RFX2: variants seen among roughly 807,000 people sequenced by gnomAD.
RFX2 encodes regulatory factor X2.
In RFX2, 20 loss-of-function variants were observed where a neutral mutation model predicts 87.8. That is an observed-to-expected ratio of 0.23 (90% CI 0.16 to 0.33). The LOEUF (loss-of-function observed/expected upper bound fraction) is 0.33. RFX2 is among the 10% of genes least tolerant of loss of function. The pLI is 1.00. For missense variants in RFX2, 767 were observed against 1,012.3 expected (o/e 0.76, Z 3.29); for synonymous variants, 397 against 431.3 (o/e 0.92, Z 0.98).
Position 6,004,523 on chromosome 19 carries a change from T to G in RFX2, c.1403-225A>C, listed in dbSNP as rs1030962929. Among the ~76,000 whole-genome samples the G allele has an allele frequency of 2.0e-5, 3 of 152,278 alleles. No homozygotes were observed. The Middle Eastern group carries it at 0.01, about 518-fold the overall frequency. On this transcript the variant is annotated intron_variant, in intron 12 of 17. Transcript: ENST00000303657. The surrounding 1 kb of genome is among the most constrained non-coding windows in gnomAD (Gnocchi z 4.8). ...GCCTATGCGGGTCTCACAGGGGCGATTCTGCCCCAGGGGACACTGGGCAAT... is the reference window on the plus strand; with the variant it reads ...GCCTATGCGGGTCTCACAGGGGCGAGTCTGCCCCAGGGGACACTGGGCAAT...
At chr19:6,086,994 CT>C (rs368962252) in intron 1 of RFX2, among the ~76,000 whole-genome samples, 12,806 of 148,000 alleles carry the variant, frequency 0.087, 1,646 homozygotes, top group African/African-American at 0.28. Context: ...AGCAGTATGT[CT>C]TTTTTTTTTT....
intron 1 of RFX2, among the ~76,000 whole-genome samples, chr19:6,095,668 G>C (rs1379902178): frequency 1.3e-5 from 2 of 152,022 alleles, no homozygotes; most frequent in East Asian, 1.9e-4. Flanking sequence ...GGAGCTCGGG[G>C]AATAAAGGGG....
chr19:6,043,928 C>T (rs1017240612), intron 3 of RFX2, among the ~76,000 whole-genome samples: 7 of 152,234 alleles, frequency 4.6e-5, no homozygotes, highest in Middle Eastern at 3.2e-3. Flanking sequence ...CCAGCAGGTG[C>T]GGGGTGCTCA....
Position 6,092,976 on chromosome 19 carries a change from G to A in RFX2, c.-9+17417C>T, listed in dbSNP as rs553687169. On this transcript the variant is annotated intron_variant, in intron 1 of 17. Coordinates refer to ENST00000303657, the MANE Select transcript of RFX2 (RefSeq NM_000635.4). Reference sequence around the variant, plus strand: ...GGTAAAAAAAAGGCCCTGTGGTGTCGGGGAGGCGAGGAGGTGGCCCCGGTC... The same window carrying A: ...GGTAAAAAAAAGGCCCTGTGGTGTCAGGGAGGCGAGGAGGTGGCCCCGGTC... Among the ~76,000 whole-genome samples, 15 of 152,264 alleles carry A rather than the reference G, an allele frequency of 9.9e-5. No homozygotes were observed. The East Asian group carries it at 2.7e-3, about 27-fold the overall frequency.
chr19:6,011,749 C>T lies in RFX2; in HGVS notation c.899+1237G>A, dbSNP rs79224856. Among the ~76,000 whole-genome samples, 672 of 152,340 alleles carry T rather than the reference C, an allele frequency of 4.4e-3. 7 individuals carry two copies. In the East Asian group the frequency reaches 0.071, roughly 16 times the overall value. ...TGTGTGGTCAGGAGTCAATGGGTTACGCAGAGCAGCTGGAATGGGTTTTTG... is the reference window on the plus strand; with the variant it reads ...TGTGTGGTCAGGAGTCAATGGGTTATGCAGAGCAGCTGGAATGGGTTTTTG... On this transcript the variant is annotated intron_variant, in intron 8 of 17. Transcript: ENST00000303657. The surrounding 1 kb of genome is among the most constrained non-coding windows in gnomAD (Gnocchi z 4.8).
At chr19:6,059,111 C>T (rs1452816981) in intron 1 of RFX2, among the ~76,000 whole-genome samples, 1 of 152,092 alleles carries the variant, frequency 6.6e-6, no homozygotes, top group African/African-American at 2.4e-5. Flanking sequence ...AACCGAGTAG[C>T]TGGAACTATA....
chr19:6,007,799 T>A lies in RFX2; in HGVS notation c.1138A>T (p.Thr380Ser). ...QLVYRRHCEA[T>S]VDVVMNLQFH... ...TGGAGGTTCATCACCACATCTACAG[T>A]TGCCTAGGAATGAAGGGACCGGTGA... Residue 380 changes from threonine to serine, a missense_variant, in exon 11 of 18, where the codon ACT becomes TCT. This residue lies in a region of RFX2 where 621 missense variants were observed against 873.0 expected (regional missense o/e 0.71). Transcript: ENST00000303657. The surrounding 1 kb of genome is among the most constrained non-coding windows in gnomAD (Gnocchi z 8.2). The A allele has an allele frequency of 6.5e-7, 1 of 1,548,676 alleles. No homozygotes were observed. Among genetic ancestry groups the A allele is most frequent in the Non-Finnish European group, 8.7e-7 (1 of 1,143,810 alleles).
At position 5,994,836 on chromosome 19, in the gene RFX2, T is replaced by C. The variant is rs1281000949; in HGVS notation, c.2171A>G (p.Ter724TrpextTer29). 6.2e-7 allele frequency: 1 copy of C among 1,603,632 alleles called. No individual in the cohort carries two copies. The highest frequency in any genetic ancestry group is 2.2e-5 in the East Asian group (1 of 44,816). The change falls in exon 18 of 18, where the codon TAG (stop) becomes TGG (tryptophan). Residue 724 changes from the stop codon to tryptophan, a stop_lost. Coordinates refer to ENST00000303657, the MANE Select transcript of RFX2 (RefSeq NM_000635.4). ...SDPNHSLQGI[*>W] ...TCGAGGAGGCGCCGGCCGGGGCTGC[T>C]AGATGCCCTGCAGGGAGTGGTTGGG...
Position 6,002,781 on chromosome 19 carries a change from G to T in RFX2, c.1590C>A (p.Asn530Lys). Residue 530 changes from asparagine to lysine, a missense_variant, in exon 14 of 18, where the codon AAC (asparagine) becomes AAA (lysine). This residue lies in a region of RFX2 where 621 missense variants were observed against 873.0 expected (regional missense o/e 0.71). Transcript: ENST00000303657. This position sits in a 1 kb window ranked among gnomAD's most constrained non-coding sequence, Gnocchi z 6.7. Reference protein sequence around the residue: ...LAQAARAVLQNTSQINQMLSD... With the variant: ...LAQAARAVLQKTSQINQMLSD... ...TGAGCATCTGGTTGATCTGGGACGT[G>T]TTCTGCAGCACCGCCCGGGCCGCCT... 1 of 1,613,984 alleles carries T rather than the reference G, an allele frequency of 6.2e-7. No individual in the cohort carries two copies. The highest frequency in any genetic ancestry group is 1.3e-5 in the African/African-American group (1 of 75,062).
chr19:6,026,360 C>A lies in RFX2; in HGVS notation c.523-123G>T. On this transcript the variant is annotated intron_variant, in intron 5 of 17. Coordinates refer to ENST00000303657, the MANE Select transcript of RFX2 (RefSeq NM_000635.4). This position sits in a 1 kb window ranked among gnomAD's most constrained non-coding sequence, Gnocchi z 4.5. Reference sequence around the variant, plus strand: ...ATCCAAATAATGATTCGAGCTCCTACAAAATAAAAATGAGGCTCCACGCAG... The same window carrying A: ...ATCCAAATAATGATTCGAGCTCCTAAAAAATAAAAATGAGGCTCCACGCAG... The A allele has an allele frequency of 1.2e-6, 1 of 827,202 alleles. No homozygotes were observed. The highest frequency in any genetic ancestry group is 1.6e-5 in the South Asian group (1 of 61,066). The allele number at this position is 827,202 out of a possible 1,614,324, so 51.2% of individuals were successfully genotyped here.
chr19:6,016,035 C>A lies in RFX2; in HGVS notation c.779+55G>T. 2 of 1,492,872 alleles carry A rather than the reference C, an allele frequency of 1.3e-6. No individual in the cohort carries two copies. The highest frequency in any genetic ancestry group is 1.3e-5 in the South Asian group (1 of 75,806). 92.5% of individuals were successfully genotyped at this position (1,492,872 alleles called of 1,614,324 possible). A position where few individuals can be genotyped will look rare whatever the true frequency, so the allele number is the denominator to read the frequency against. On this transcript the variant is annotated intron_variant, in intron 7 of 17. Coordinates refer to ENST00000303657, the MANE Select transcript of RFX2 (RefSeq NM_000635.4). The surrounding 1 kb of genome is among the most constrained non-coding windows in gnomAD (Gnocchi z 5.4). ...GAAGCCTCGCATTTTCCCAAAAGCT[C>A]CATTTCTTGGGAAAGGAAGAGGAAG... is the stretch of plus-strand genomic sequence containing the variant.
chr19:6,038,382 T>C (rs569831271), intron 5 of RFX2, among the ~76,000 whole-genome samples: 3 of 150,508 alleles, frequency 2.0e-5, no homozygotes, highest in Non-Finnish European at 3.0e-5. Flanking sequence ...TATAAAACTT[T>C]TCAAAGAAAA....
Position 6,007,997 on chromosome 19 carries a change from G to C in RFX2, c.1134+109C>G, listed in dbSNP as rs1182758560. On this transcript the variant is annotated intron_variant, in intron 10 of 17. Transcript: ENST00000303657. This position sits in a 1 kb window ranked among gnomAD's most constrained non-coding sequence, Gnocchi z 8.2. ...CTGCTTCAGAGAGGATGCTTGTTGG[G>C]GGGCTCGGGGCTCCAGCTCCTCAGC... 1 of 870,320 alleles carries C rather than the reference G, an allele frequency of 1.1e-6. No homozygotes were observed. Among genetic ancestry groups the C allele is most frequent in the Non-Finnish European group, 1.9e-6 (1 of 530,222 alleles). 53.9% of individuals were successfully genotyped at this position (870,320 alleles called of 1,614,324 possible).
chr19:6,096,947 T>C (rs1326959870), intron 1 of RFX2, among the ~76,000 whole-genome samples: 1 of 152,160 alleles, frequency 6.6e-6, no homozygotes, highest in African/African-American at 2.4e-5. Flanking sequence ...ACCAGCACCA[T>C]ACCCTTCATC....
intron 1 of RFX2, among the ~76,000 whole-genome samples, chr19:6,059,092 G>A (rs192029713): frequency 1.3e-5 from 2 of 151,794 alleles, no homozygotes; most frequent in Admixed American, 6.6e-5. Context: ...TGACCCTCCC[G>A]CCTTAGCCAA....
intron 12 of RFX2, among the ~76,000 whole-genome samples, chr19:6,005,882 C>T (rs533658755): frequency 1.3e-5 from 2 of 152,278 alleles, no homozygotes; most frequent in South Asian, 4.1e-4. Context: ...GGCTGGTGGT[C>T]GTCTGCAAGA....
rs530531719 is a variant in RFX2, at chr19:6,074,113, C to T, written c.-8-26609G>A. Among the ~76,000 whole-genome samples the T allele has an allele frequency of 1.1e-4, 17 of 152,214 alleles. No individual in the cohort carries two copies. The highest frequency in any genetic ancestry group is 1.9e-4 in the Non-Finnish European group (13 of 68,024). ...ACCCACAGCAGCCAAGGTCAGCCCT[C>T]GGGAAGATGGAAAATGAATGAAGGG... On this transcript the variant is annotated intron_variant, in intron 1 of 17. Transcript: ENST00000303657. The surrounding 1 kb of genome is among the most constrained non-coding windows in gnomAD (Gnocchi z 5.2).
At position 6,016,056 on chromosome 19, in the gene RFX2, G is replaced by A. The variant is rs188855668; in HGVS notation, c.779+34C>T. ...AGCTCCATTTCTTGGGAAAGGAAGAGGAAGAACAGGTGGGCTGGGGATCGT... is the reference window on the plus strand; with the variant it reads ...AGCTCCATTTCTTGGGAAAGGAAGAAGAAGAACAGGTGGGCTGGGGATCGT... On this transcript the variant is annotated intron_variant, in intron 7 of 17. Transcript: ENST00000303657. The surrounding 1 kb of genome is among the most constrained non-coding windows in gnomAD (Gnocchi z 5.4). 2 of 1,548,348 alleles carry A rather than the reference G, an allele frequency of 1.3e-6. No individual in the cohort carries two copies. Among genetic ancestry groups the A allele is most frequent in the African/African-American group, 2.8e-5 (2 of 72,706 alleles).
chr19:6,032,499 A>AT (rs2086965582), intron 5 of RFX2, among the ~76,000 whole-genome samples: 2 of 152,338 alleles, frequency 1.3e-5, no homozygotes, highest in South Asian at 4.1e-4. Flanking sequence ...GTGGTAAATC[A>AT]TAGAATTAGG....
Sources: gnomAD v4.1 joint callset for allele counts (sites outside exome capture counted in the v4.1 genomes callset) on GRCh38, gnomAD v4.1.1 for gene constraint, gnomAD v4.1.1 regional missense constraint, Gnocchi (gnomAD v3.1) non-coding constraint, MANE v1.5 for transcripts, NCBI Gene and HGNC (gene_info 2026-07-23, HGNC 2026-07-21) for gene names.